SMARCA5: variants seen among roughly 807,000 people sequenced by gnomAD.
SMARCA5 encodes SWI/SNF-related matrix-associated actin-dependent regulator of chromatin subfamily A member 5.
Under a neutral mutation model 140.4 loss-of-function variants are expected in SMARCA5, and 18 were observed. That is an observed-to-expected ratio of 0.13 (90% CI 0.09 to 0.19). The LOEUF (loss-of-function observed/expected upper bound fraction) is 0.19, where lower values mean the gene tolerates loss of function less well. SMARCA5 is among the 10% of genes least tolerant of loss of function. The pLI, the probability that SMARCA5 is intolerant of heterozygous loss-of-function variation, is 1.00. For missense variants in SMARCA5, 606 were observed against 1,276.8 expected (o/e 0.47, Z 8.01); for synonymous variants, 449 against 419.6 (o/e 1.07, Z -0.86).
chr4:143,524,316 G>T, intron 3 of SMARCA5, 51 bp from the exon 4 acceptor site: 2 of 1,316,402 alleles, frequency 1.5e-6, no homozygotes, highest in South Asian at 1.3e-5. Flanking sequence ...AACAGTAGCT[G>T]ATAATTAAAG....
chr4:143,525,679 G>A (rs1737054221), intron 5 of SMARCA5, 128 bp downstream of exon 5: 1 of 616,712 alleles, frequency 1.6e-6, no homozygotes, highest in Non-Finnish European at 2.9e-6. Context: ...TAAGCAGCTT[G>A]CCTTAGTTGC....
rs768156171 is a variant in SMARCA5 at position 143,513,981 on chromosome 4, G to T, written c.57G>T (p.Lys19Asn). ...PPPPPESAPS[K>N]PAASIASGGS... ...CGCCTCCCGAGAGCGCGCCTTCCAA[G>T]CCCGCAGCCTCGATCGCCAGCGGCG... The change falls in exon 1 of 24, where the codon AAG becomes AAT. Residue 19 changes from lysine (K) to asparagine (N), a missense_variant. By Grantham distance (94) the Lys-to-Asn change is moderately conservative (BLOSUM62 0). This residue lies in a region of SMARCA5 where 164 missense variants were observed against 128.4 expected (regional missense o/e 1.28). Coordinates refer to ENST00000283131, the MANE Select transcript of SMARCA5 (RefSeq NM_003601.4). The T allele has an allele frequency of 5.8e-6, 9 of 1,561,314 alleles. No individual in the cohort carries two copies. Among genetic ancestry groups the T allele is most frequent in the Non-Finnish European group, 7.8e-6 (9 of 1,161,260 alleles).
chr4:143,548,184 G>GT (rs1405737751), intron 22 of SMARCA5, 44 bp downstream of exon 22: 3 of 1,142,060 alleles, frequency 2.6e-6, no homozygotes, highest in Non-Finnish European at 2.5e-6. Flanking sequence ...AGAGTTCAGA[G>GT]TAAGTGTCAT....
At chr4:143,520,345 G>T (rs1435343817) in intron 2 of SMARCA5, among the ~76,000 whole-genome samples, 1 of 152,116 alleles carries the variant, frequency 6.6e-6, no homozygotes, top group African/African-American at 2.4e-5. Flanking sequence ...AATAACAGAG[G>T]CTTGTCATCT....
chr4:143,514,182 G>C, intron 1 of SMARCA5, 81 bp downstream of exon 1: 1 of 1,308,042 alleles, frequency 7.6e-7, no homozygotes, highest in Non-Finnish European at 1.0e-6. Context: ...GCGATCGGAC[G>C]CAGAGCCGGG....
At chr4:143,521,035 A>G (rs1432037796) in intron 2 of SMARCA5, among the ~76,000 whole-genome samples, 1 of 152,238 alleles carries the variant, frequency 6.6e-6, no homozygotes, top group Non-Finnish European at 1.5e-5. Flanking sequence ...TTGAAGTATA[A>G]TTGACATAAA....
In SMARCA5 at chr4:143,547,368, T is replaced by G; in HGVS notation, c.2654-17T>G. The G allele has an allele frequency of 7.8e-7, 1 of 1,275,306 alleles. No individual in the cohort carries two copies. Among genetic ancestry groups the G allele is most frequent in the Non-Finnish European group, 1.1e-6 (1 of 886,930 alleles). 79.0% of individuals were successfully genotyped at this position (1,275,306 alleles called of 1,614,324 possible). A position where few individuals can be genotyped will look rare whatever the true frequency, so the allele number is the denominator to read the frequency against. On this transcript the variant is annotated splice_polypyrimidine_tract_variant and intron_variant, in intron 20 of 23. Coordinates refer to ENST00000283131, the MANE Select transcript of SMARCA5 (RefSeq NM_003601.4). ...TAAAAATATAAATGATTTGTTTACT[T>G]TGTCCAACTTTTACAGCTGTGTTTT...
intron 11 of SMARCA5, among the ~76,000 whole-genome samples, chr4:143,537,381 A>G (rs1202993715): frequency 6.6e-6 from 1 of 152,202 alleles, no homozygotes; most frequent in Non-Finnish European, 1.5e-5. Context: ...GTTTCTCTCT[A>G]TATTTTAATA....
chr4:143,553,379 T>G lies in SMARCA5; in HGVS notation c.*195T>G. 1 of 489,902 alleles carries G rather than the reference T, an allele frequency of 2.0e-6. No individual in the cohort carries two copies. The highest frequency in any genetic ancestry group is 3.7e-6 in the Non-Finnish European group (1 of 272,180). 30.3% of individuals were successfully genotyped at this position (489,902 alleles called of 1,614,324 possible). A position where few individuals can be genotyped will look rare whatever the true frequency, so the allele number is the denominator to read the frequency against. On this transcript the variant is annotated 3_prime_UTR_variant, in exon 24 of 24. Coordinates refer to ENST00000283131, the MANE Select transcript of SMARCA5 (RefSeq NM_003601.4). Reference sequence around the variant, plus strand: ...AGCTGTGCTGAAATTTTTTTATCATTAACACTTGAAGTAATAAAATAGGCT... The same window carrying G: ...AGCTGTGCTGAAATTTTTTTATCATGAACACTTGAAGTAATAAAATAGGCT...
chr4:143,544,947 C>CTT (rs11289994), intron 17 of SMARCA5, 100 bp downstream of exon 17: 201 of 361,170 alleles, frequency 5.6e-4, no homozygotes, highest in Middle Eastern at 7.4e-4. Flanking sequence ...TTTTGTGTTT[C>CTT]TTTTTTTTTT....
intron 3 of SMARCA5, among the ~76,000 whole-genome samples, chr4:143,523,446 G>C (rs897374908): frequency 1.9e-4 from 29 of 152,188 alleles, no homozygotes; most frequent in African/African-American, 7.0e-4. Flanking sequence ...AACTATAAAG[G>C]ATATTTTATA....
At chr4:143,541,216 A>G (rs1180767473) in intron 14 of SMARCA5, among the ~76,000 whole-genome samples, 1 of 152,208 alleles carries the variant, frequency 6.6e-6, no homozygotes, top group African/African-American at 2.4e-5. Flanking sequence ...ATGATGGGAA[A>G]TATAAAATTC....
chr4:143,530,789 A>G (rs1056221057), intron 9 of SMARCA5, among the ~76,000 whole-genome samples: 2 of 152,140 alleles, frequency 1.3e-5, no homozygotes, highest in African/African-American at 4.8e-5. Flanking sequence ...GGGGGGAAGA[A>G]GAATTGCATA....
chr4:143,539,755 C>T (rs944515638), intron 13 of SMARCA5, among the ~76,000 whole-genome samples: 4 of 151,980 alleles, frequency 2.6e-5, no homozygotes, highest in African/African-American at 7.3e-5. Context: ...AGGCTGGTCT[C>T]GAACTCCTCA....
chr4:143,528,562 T>G (rs1737121334), intron 7 of SMARCA5, 21 bp from the exon 8 acceptor site: 3 of 1,604,770 alleles, frequency 1.9e-6, no homozygotes, highest in African/African-American at 1.3e-5. Flanking sequence ...TCTAATGGTG[T>G]ATTTGGTTCT....
rs556504014 is a variant in SMARCA5, at chr4:143,542,962, A to G, written c.1904-547A>G. Among the ~76,000 whole-genome samples the G allele has an allele frequency of 3.9e-5, 6 of 152,302 alleles. No homozygotes were observed. In the South Asian group the frequency reaches 1.2e-3, roughly 32 times the overall value. ...CATTGCACTCCAGCCTAAGCAACAG[A>G]GCAAGACTCCATCTCAAAAAAATAA... On this transcript the variant is annotated intron_variant, in intron 14 of 23. Transcript: ENST00000283131.
intron 8 of SMARCA5, among the ~76,000 whole-genome samples, chr4:143,529,283 G>T (rs527501768): frequency 2.0e-5 from 3 of 152,258 alleles, no homozygotes; most frequent in African/African-American, 7.2e-5. Context: ...GGCATAAATT[G>T]TCACTCCTAT....
chr4:143,544,974 G>C, intron 17 of SMARCA5, 127 bp downstream of exon 17: 1 of 536,180 alleles, frequency 1.9e-6, no homozygotes, highest in Non-Finnish European at 3.2e-6. Flanking sequence ...TTGAGACAGA[G>C]TCTCACTCTG....
At chr4:143,550,589 C>A (rs1476961304) in intron 23 of SMARCA5, among the ~76,000 whole-genome samples, 12 of 152,082 alleles carry the variant, frequency 7.9e-5, no homozygotes, top group African/African-American at 2.7e-4. Flanking sequence ...TTCCCCCACC[C>A]CCACTGCCTT....
Sources: gnomAD v4.1 joint callset for allele counts (sites outside exome capture counted in the v4.1 genomes callset) on GRCh38, gnomAD v4.1.1 for gene constraint, gnomAD v4.1.1 regional missense constraint, MANE v1.5 for transcripts, NCBI Gene and HGNC (gene_info 2026-07-23, HGNC 2026-07-21) for gene names.